Variants in ZNF195 observed in about 807,000 individuals in gnomAD.
ZNF195 encodes zinc finger protein 195, also known as hypoxia-regulated factor-1.
ZNF195 carries 11 observed loss-of-function variants against 19.5 expected under a neutral mutation model. That is an observed-to-expected ratio of 0.57 (90% CI 0.36 to 0.94). The LOEUF (loss-of-function observed/expected upper bound fraction) is 0.94, where lower values mean the gene tolerates loss of function less well. ZNF195 is among the 40% of genes least tolerant of loss of function. ZNF195 has a pLI of 0.01. For missense variants in ZNF195, 582 were observed against 709.0 expected (o/e 0.82, Z 2.03); for synonymous variants, 214 against 248.1 (o/e 0.86, Z 1.29).
chr11:3,369,340 G>C (rs1160513294), intron 3 of ZNF195: 1 of 236,476 alleles, frequency 4.2e-6, no homozygotes, highest in Non-Finnish European at 8.8e-6. Flanking sequence ...TTAAAAGTTA[G>C]AAAAAGATAA....
intron 3 of ZNF195, among the ~76,000 whole-genome samples, chr11:3,363,076 G>A (rs561932964): frequency 2.0e-5 from 3 of 152,260 alleles, no homozygotes; most frequent in South Asian, 2.1e-4. Flanking sequence ...TATGACAAGC[G>A]TGGGTGCATA....
chr11:3,360,368 T>C lies in ZNF195; in HGVS notation c.640A>G (p.Lys214Glu). 1.2e-6 allele frequency: 2 copies of C among 1,604,970 alleles called. No individual in the cohort carries two copies. The highest frequency in any genetic ancestry group is 1.7e-6 in the Non-Finnish European group (2 of 1,175,242). ...LNQCSSTTHS[K>E]IFQYNKYVKI... ...ACATATTTATTATATTGAAAGATTT[T>C]GCTATGGGTAGTTGATGAACATTGG... Residue 214 changes from lysine (K) to glutamate (E), a missense_variant, in exon 6 of 6, where the codon AAA (lysine) becomes GAA (glutamate). Physicochemically the swap from Lys to Glu is moderately conservative, Grantham distance 56 (BLOSUM62 1). Around this residue, in one of 3 missense-constraint regions of ZNF195, gnomAD observed 407 missense variants for 530.5 expected, o/e 0.77. Transcript: ENST00000399602.
At chr11:3,378,884 G>T (rs1240942056) in intron 1 of ZNF195, among the ~76,000 whole-genome samples, 154 bp downstream of exon 1, 1 of 152,196 alleles carries the variant, frequency 6.6e-6, no homozygotes, top group Non-Finnish European at 1.5e-5. Flanking sequence ...GATGCGCCGG[G>T]GCGCGCGGGG....
At chr11:3,370,885 G>A (rs1332648699) in intron 3 of ZNF195, 90 bp downstream of exon 3, 3 of 1,323,318 alleles carry the variant, frequency 2.3e-6, no homozygotes, top group Admixed American at 3.4e-5. Flanking sequence ...CACTAGGGCA[G>A]AGCTTCTCAA....
Position 3,379,064 on chromosome 11 carries a change from CG to C in ZNF195, c.-25del. The C allele has an allele frequency of 6.7e-7, 1 of 1,495,850 alleles. No individual in the cohort carries two copies. Among genetic ancestry groups the C allele is most frequent in the Non-Finnish European group, 9.0e-7 (1 of 1,112,606 alleles). 92.7% of individuals were successfully genotyped at this position (1,495,850 alleles called of 1,614,324 possible). A position where few individuals can be genotyped will look rare whatever the true frequency, so the allele number is the denominator to read the frequency against. On this transcript the variant is annotated 5_prime_UTR_variant, in exon 1 of 6. Coordinates refer to ENST00000399602, the MANE Select transcript of ZNF195 (RefSeq NM_001130520.3). ...ATCTCCTGGCCTCCAGAGAGCCTGGCGTTTCACTTCTGGATCTCCCGGTGCC... is the reference window on the plus strand; with the variant it reads ...ATCTCCTGGCCTCCAGAGAGCCTGGCTTTCACTTCTGGATCTCCCGGTGCC...
At chr11:3,362,681 A>T in intron 3 of ZNF195, 1 of 434,922 alleles carries the variant, frequency 2.3e-6, no homozygotes, top group Non-Finnish European at 4.2e-6. Context: ...GGAAAGAGAG[A>T]AAGAAAAAGC....
At chr11:3,374,833 C>A (rs979879238) in intron 1 of ZNF195, among the ~76,000 whole-genome samples, 1 of 152,242 alleles carries the variant, frequency 6.6e-6, no homozygotes, top group Non-Finnish European at 1.5e-5. Flanking sequence ...TCTTCACTTT[C>A]TTGTGGCTTG....
chr11:3,374,833 C>G (rs979879238), intron 1 of ZNF195, among the ~76,000 whole-genome samples: 1 of 152,242 alleles, frequency 6.6e-6, no homozygotes, highest in Non-Finnish European at 1.5e-5. Flanking sequence ...TCTTCACTTT[C>G]TTGTGGCTTG....
intron 4 of ZNF195, 110 bp from the exon 5 acceptor site, chr11:3,360,898 T>C: frequency 1.1e-6 from 1 of 935,872 alleles, no homozygotes. Flanking sequence ...GCTCTTGGCT[T>C]CTCCTTCAAA....
intron 2 of ZNF195, 98 bp downstream of exon 2, chr11:3,371,479 C>T: frequency 6.7e-7 from 1 of 1,497,702 alleles, no homozygotes; most frequent in East Asian, 2.3e-5. Context: ...ATCTGAAACT[C>T]ATTCATGCAA....
At chr11:3,372,756 G>C (rs1283407278) in intron 1 of ZNF195, among the ~76,000 whole-genome samples, 1 of 152,216 alleles carries the variant, frequency 6.6e-6, no homozygotes, top group South Asian at 2.1e-4. Flanking sequence ...TCTTGAGACT[G>C]AGTCTCACTC....
chr11:3,375,881 C>G (rs937828777), intron 1 of ZNF195, among the ~76,000 whole-genome samples: 1 of 152,194 alleles, frequency 6.6e-6, no homozygotes, highest in African/African-American at 2.4e-5. Flanking sequence ...CTGCACAGTG[C>G]ACTCCTGAAT....
At chr11:3,374,437 A>T (rs1849358320) in intron 1 of ZNF195, among the ~76,000 whole-genome samples, 1 of 152,264 alleles carries the variant, frequency 6.6e-6, no homozygotes, top group Admixed American at 6.5e-5. Context: ...CTATTCTGAA[A>T]GATTACATTA....
chr11:3,360,807 G>A lies in ZNF195; in HGVS notation c.374-19C>T. 6.5e-7 allele frequency: 1 copy of A among 1,549,362 alleles called. No homozygotes were observed. Among genetic ancestry groups the A allele is most frequent in the South Asian group, 1.2e-5 (1 of 83,646 alleles). The stretch of plus-strand genomic sequence containing the variant: ...CACAGTGCTAGGAGCCAGATAAGAA[G>A]AAAAACAGTCTGTTACGTTTACCCA... On this transcript the variant is annotated intron_variant, in intron 4 of 5. Coordinates refer to ENST00000399602, the MANE Select transcript of ZNF195 (RefSeq NM_001130520.3).
chr11:3,373,884 C>T (rs1010198922), intron 1 of ZNF195, among the ~76,000 whole-genome samples: 2 of 152,216 alleles, frequency 1.3e-5, no homozygotes, highest in African/African-American at 4.8e-5. Flanking sequence ...TCTGCTTCAG[C>T]AATTGGAGTA....
chr11:3,366,089 C>T (rs1206471551), intron 3 of ZNF195, among the ~76,000 whole-genome samples: 1 of 150,146 alleles, frequency 6.7e-6, no homozygotes, highest in African/African-American at 2.5e-5. Flanking sequence ...AACCCCATCT[C>T]TACTAAAAAA....
At chr11:3,370,084 A>G (rs1220831877) in intron 3 of ZNF195, among the ~76,000 whole-genome samples, 2 of 152,204 alleles carry the variant, frequency 1.3e-5, no homozygotes, top group Non-Finnish European at 2.9e-5. Context: ...TGGATAAAGA[A>G]AATATGATTT....
intron 3 of ZNF195, 28 bp downstream of exon 3, chr11:3,370,947 G>A (rs1227370215): frequency 2.5e-6 from 4 of 1,612,520 alleles, no homozygotes; most frequent in Non-Finnish European, 3.4e-6. Context: ...TCTCACCTGG[G>A]TTACCTGCTT....
chr11:3,377,684 G>T (rs1228211010), intron 1 of ZNF195: 36 of 1,214,008 alleles, frequency 3.0e-5, no homozygotes, highest in Non-Finnish European at 3.6e-5. Flanking sequence ...CCCTGGAGAG[G>T]CCACACTTCA....
Sources: gnomAD v4.1 joint callset for allele counts (sites outside exome capture counted in the v4.1 genomes callset) on GRCh38, gnomAD v4.1.1 for gene constraint, gnomAD v4.1.1 regional missense constraint, MANE v1.5 for transcripts, NCBI Gene and HGNC (gene_info 2026-07-23, HGNC 2026-07-21) for gene names.